Variants in RBCK1 observed in about 807,000 individuals in gnomAD.
RBCK1 encodes ranBP-type and C3HC4-type zinc finger-containing protein 1.
RBCK1 carries 44 observed loss-of-function variants against 71.1 expected under a neutral mutation model. That is an observed-to-expected ratio of 0.62 (90% CI 0.49 to 0.80). The LOEUF is 0.80. Ranked by LOEUF, RBCK1 falls within the 30% of genes least tolerant of loss-of-function variation. The pLI is 0.00. For missense variants in RBCK1, 569 were observed against 685.0 expected, an observed-to-expected ratio of 0.83 and a Z score of 1.89; for synonymous variants, 306 against 279.7, an observed-to-expected ratio of 1.09 and a Z score of -0.94.
chr20:409,121 T>C (rs2015545156), intron 1 of RBCK1, among the ~76,000 whole-genome samples: 1 of 152,140 alleles, frequency 6.6e-6, no homozygotes, highest in African/African-American at 2.4e-5. Flanking sequence ...GCACCTAGGG[T>C]TGTAGAACGG....
intron 4 of RBCK1, among the ~76,000 whole-genome samples, chr20:418,145 C>G (rs937167071): frequency 1.4e-4 from 21 of 152,188 alleles, no homozygotes; most frequent in African/African-American, 4.8e-4. Context: ...TGGACTCCGT[C>G]CAGGCTCCGG....
In RBCK1 at chr20:431,165, T is replaced by G. The variant is rs1264969974; in HGVS notation, c.*735T>G. ...TGCCCAGCCTCAGGGGCAAGGATGC[T>G]CTTGGGTCACCGTCAGCCAGGACAG... On this transcript the variant is annotated 3_prime_UTR_variant, in exon 12 of 12. Coordinates refer to ENST00000356286, the MANE Select transcript of RBCK1 (RefSeq NM_031229.4). The surrounding 1 kb of genome is among the most constrained non-coding windows in gnomAD (Gnocchi z 4.8). 1.3e-5 allele frequency among the ~76,000 whole-genome samples: 2 copies of G among 152,162 alleles called. No homozygotes were observed. Among genetic ancestry groups the G allele is most frequent in the East Asian group, 1.9e-4 (1 of 5,198 alleles).
intron 6 of RBCK1, chr20:420,183 C>T (rs2016297965): frequency 1.0e-6 from 1 of 985,244 alleles, no homozygotes; most frequent in African/African-American, 1.7e-5. Context: ...GACCTCTTCC[C>T]TCTCGGGCTG....
chr20:420,282 C>G (rs1568558868), intron 6 of RBCK1: 2 of 985,000 alleles, frequency 2.0e-6, no homozygotes, highest in Admixed American at 6.2e-5. Flanking sequence ...CGCCTTAGCC[C>G]TACCCCGCCC....
rs1036485174 is a variant in RBCK1, at chr20:428,807, G to A, written c.1309-144G>A. 50 of 1,434,802 alleles carry A rather than the reference G, an allele frequency of 3.5e-5. No individual in the cohort carries two copies. The highest frequency in any genetic ancestry group is 5.8e-5 in the African/African-American group (4 of 69,460). The allele number at this position is 1,434,802 out of a possible 1,614,324, so 88.9% of individuals were successfully genotyped here. ...AGACCACAGGAATGAAGAGGGGGTTGCTGGATGGAGCCTGGCCTGGCAGAG... is the reference window on the plus strand; with the variant it reads ...AGACCACAGGAATGAAGAGGGGGTTACTGGATGGAGCCTGGCCTGGCAGAG... On this transcript the variant is annotated intron_variant, in intron 10 of 11. Transcript: ENST00000356286. This position sits in a 1 kb window ranked among gnomAD's most constrained non-coding sequence, Gnocchi z 5.7.
rs1311142367 is a variant in RBCK1, at chr20:422,556, G to A, written c.1029+318G>A. On this transcript the variant is annotated intron_variant, in intron 8 of 11. Coordinates refer to ENST00000356286, the MANE Select transcript of RBCK1 (RefSeq NM_031229.4). This position sits in a 1 kb window ranked among gnomAD's most constrained non-coding sequence, Gnocchi z 5.0. ...TTAAGAATCAGGGACTCGGCTGGGC[G>A]TGGCAGCTCACACCTGTAATCCCAG... Among the ~76,000 whole-genome samples the A allele has an allele frequency of 7.2e-5, 11 of 152,248 alleles. No individual in the cohort carries two copies. The East Asian group carries it at 7.7e-4, about 11-fold the overall frequency.
rs2016484311 is a variant in RBCK1, at chr20:422,305, A to G, written c.1029+67A>G. 3.1e-6 allele frequency: 4 copies of G among 1,281,994 alleles called. No homozygotes were observed. Among genetic ancestry groups the G allele is most frequent in the Non-Finnish European group, 3.3e-6 (3 of 899,468 alleles). The allele number at this position is 1,281,994 out of a possible 1,614,324, so 79.4% of individuals were successfully genotyped here. On this transcript the variant is annotated intron_variant, in intron 8 of 11. Coordinates refer to ENST00000356286, the MANE Select transcript of RBCK1 (RefSeq NM_031229.4). This position sits in a 1 kb window ranked among gnomAD's most constrained non-coding sequence, Gnocchi z 5.0. ...CTAAGGAACTGGGCCCTGAGCAGGC[A>G]GCAGACATCTTTCTTTTCTTTCTTT...
chr20:425,876 C>T lies in RBCK1; in HGVS notation c.1030-1437C>T, dbSNP rs112530501. On this transcript the variant is annotated intron_variant, in intron 8 of 11. Transcript: ENST00000356286. ...TCCTGACCTCGTGATGCGCCCGCCT[C>T]GGCCTCCCAGAGTGTTCAGATTACA... Among the ~76,000 whole-genome samples, 425 of 152,212 alleles carry T rather than the reference C, an allele frequency of 2.8e-3. 3 individuals carry two copies. The highest frequency in any genetic ancestry group is 9.8e-3 in the African/African-American group (407 of 41,516).
At chr20:409,786 GCACA>G in intron 1 of RBCK1, 91 bp from the exon 2 acceptor site, 21 of 1,517,656 alleles carry the variant, frequency 1.4e-5, no homozygotes, top group Non-Finnish European at 1.8e-5. Flanking sequence ...AGAGAAAGCA[GCACA>G]CACAAAGGAT....
chr20:423,008 ATAG>A (rs1429270397), intron 8 of RBCK1, among the ~76,000 whole-genome samples: 1 of 152,170 alleles, frequency 6.6e-6, no homozygotes, highest in Non-Finnish European at 1.5e-5. Flanking sequence ...TATAGAATTC[ATAG>A]TAGTACATCC....
At position 419,454 on chromosome 20, in the gene RBCK1, C is replaced by A; in HGVS notation, c.568C>A (p.Pro190Thr). 1 of 1,607,206 alleles carries A rather than the reference C, an allele frequency of 6.2e-7. No homozygotes were observed. The highest frequency in any genetic ancestry group is 8.5e-7 in the Non-Finnish European group (1 of 1,177,038). The change falls in exon 5 of 12, where the codon CCT becomes ACT. Residue 190 changes from proline (P) to threonine (T), a missense_variant. Coordinates refer to ENST00000356286, the MANE Select transcript of RBCK1 (RefSeq NM_031229.4). ...EPGRGQPDAV[P>T]EPPPVGWQCP... ...CGGACGGGGGCAGCCAGATGCAGTG[C>A]CTGAGCCCCCACCGGTAAGCTGTCC...
chr20:426,804 A>ACTTTT (rs1186156054), intron 8 of RBCK1, among the ~76,000 whole-genome samples: 1 of 68,068 alleles, frequency 1.5e-5, no homozygotes, highest in Non-Finnish European at 3.5e-5. Flanking sequence ...CTTTCTTTTT[A>ACTTTT]CTTTTCTTTT....
rs2016866834 is a variant in RBCK1, at chr20:428,785, C to A, written c.1309-166C>A. On this transcript the variant is annotated intron_variant, in intron 10 of 11. Coordinates refer to ENST00000356286, the MANE Select transcript of RBCK1 (RefSeq NM_031229.4). The surrounding 1 kb of genome is among the most constrained non-coding windows in gnomAD (Gnocchi z 5.7). ...AGAGCGTCTGGGTGGAGGGTGGAGACCACAGGAATGAAGAGGGGGTTGCTG... is the reference window on the plus strand; with the variant it reads ...AGAGCGTCTGGGTGGAGGGTGGAGAACACAGGAATGAAGAGGGGGTTGCTG... The A allele has an allele frequency of 7.0e-7, 1 of 1,428,366 alleles. No homozygotes were observed. Among genetic ancestry groups the A allele is most frequent in the African/African-American group, 1.4e-5 (1 of 69,108 alleles). The allele number at this position is 1,428,366 out of a possible 1,614,324, so 88.5% of individuals were successfully genotyped here. A position where few individuals can be genotyped will look rare whatever the true frequency, so the allele number is the denominator to read the frequency against.
At chr20:423,224 C>T (rs187845241) in intron 8 of RBCK1, among the ~76,000 whole-genome samples, 8 of 151,832 alleles carry the variant, frequency 5.3e-5, no homozygotes, top group Admixed American at 2.0e-4. Flanking sequence ...GCTTGAACCC[C>T]GGAGGCGGAG....
intron 11 of RBCK1, among the ~76,000 whole-genome samples, chr20:429,408 G>A (rs2016907975): frequency 6.6e-6 from 1 of 151,930 alleles, no homozygotes. Flanking sequence ...GTATTTTTAG[G>A]AGAGACGGGG....
At chr20:413,194 A>G (rs1229148278) in intron 2 of RBCK1, among the ~76,000 whole-genome samples, 2 of 152,186 alleles carry the variant, frequency 1.3e-5, no homozygotes, top group African/African-American at 2.4e-5. Flanking sequence ...GCTTCATAGT[A>G]TTTGAAATCA....
chr20:413,904 A>G (rs897790669), intron 2 of RBCK1, among the ~76,000 whole-genome samples: 13 of 147,398 alleles, frequency 8.8e-5, no homozygotes, highest in Non-Finnish European at 1.5e-4. Context: ...TAAAAAGATA[A>G]GAGACAAATC....
At chr20:426,043 G>A (rs144508620) in intron 8 of RBCK1, among the ~76,000 whole-genome samples, 6 of 152,268 alleles carry the variant, frequency 3.9e-5, no homozygotes, top group Admixed American at 2.0e-4. Context: ...TCAGTGCTAC[G>A]TACTAGCTTA....
At chr20:418,013 C>T in intron 4 of RBCK1, 83 bp downstream of exon 4, 3 of 1,407,364 alleles carry the variant, frequency 2.1e-6, no homozygotes, top group Non-Finnish European at 2.8e-6. Flanking sequence ...GGGCAGAGCC[C>T]CTGGGTTTTT....
Sources: allele counts gnomAD v4.1 joint callset (sites outside exome capture counted in the v4.1 genomes callset), GRCh38; gene constraint gnomAD v4.1.1; non-coding constraint Gnocchi (gnomAD v3.1); transcripts MANE v1.5; gene names NCBI Gene and HGNC (gene_info 2026-07-23, HGNC 2026-07-21).